CPZ: variants seen among roughly 807,000 people sequenced by gnomAD.
CPZ encodes VEZT/CPZ fusion.
In CPZ, 103 loss-of-function variants were observed where a neutral mutation model predicts 61.8. That is an observed-to-expected ratio of 1.67 (90% confidence interval 1.42 to 1.96). CPZ has a LOEUF of 1.96. Among genes scored for constraint, CPZ ranks in the 30% most tolerant of loss-of-function variants. The pLI, the probability that CPZ is intolerant of heterozygous loss-of-function variation, is 0.00. For synonymous variants in CPZ, 551 were observed against 373.7 expected (o/e 1.47, Z -5.47); for missense variants, 1,461 against 914.9 (o/e 1.60, Z -7.70).
intron 9 of CPZ, among the ~76,000 whole-genome samples, chr4:8,617,586 T>G (rs1448295457): frequency 6.6e-6 from 1 of 152,212 alleles, no homozygotes; most frequent in Non-Finnish European, 1.5e-5. Flanking sequence ...CAAGATCATT[T>G]TCATAGTTTC....
rs1432071293 is a variant in CPZ, at chr4:8,605,991, G to A, written c.712G>A (p.Glu238Lys). Residue 238 changes from glutamate (E) to lysine (K), a missense_variant and splice_region_variant, in exon 5 of 11, where the codon GAG (glutamate) becomes AAG (lysine). By Grantham distance (56) the Glu-to-Lys change is moderately conservative. Coordinates refer to ENST00000360986, the MANE Select transcript of CPZ (RefSeq NM_001014447.3). ...SSRPGQHELM[E>K]PEVKLIGNIH... ...CAAGTCTCTGTATTTGCCCCCAGTG[G>A]AGCCCGAGGTGAAGCTCATCGGCAA... 3 of 1,611,922 alleles carry A rather than the reference G, an allele frequency of 1.9e-6. No individual in the cohort carries two copies. The highest frequency in any genetic ancestry group is 2.2e-5 in the East Asian group (1 of 44,802).
Position 8,601,442 on chromosome 4 carries a change from C to G in CPZ, c.441C>G (p.His147Gln), listed in dbSNP as rs760707463. 2 of 1,549,514 alleles carry G rather than the reference C, an allele frequency of 1.3e-6. No homozygotes were observed. The highest frequency in any genetic ancestry group is 3.6e-5 in the Admixed American group (2 of 55,282). ...DMAWPYFLDC[H>Q]RYFTREDEGC... ...CCTGGCCCTACTTCCTTGACTGCCA[C>G]CGCTACTTCACGAGAGAGGACGAGG... The change falls in exon 3 of 11, where the codon CAC becomes CAG. Residue 147 changes from histidine (H) to glutamine (Q), a missense_variant. By Grantham distance (24) the His-to-Gln change is conservative. Transcript: ENST00000360986.
chr4:8,611,223 AG>A, intron 7 of CPZ: 1 of 456,232 alleles, frequency 2.2e-6, no homozygotes, highest in Non-Finnish European at 4.4e-6. Context: ...GAGCTCATGC[AG>A]GGTGAGCCCT....
chr4:8,611,248 C>A, intron 7 of CPZ: 2 of 456,270 alleles, frequency 4.4e-6, no homozygotes, highest in Non-Finnish European at 4.4e-6. Flanking sequence ...CCTGCCTGAC[C>A]CACCAGGAGC....
intron 9 of CPZ, among the ~76,000 whole-genome samples, chr4:8,615,251 G>A (rs1383132920): frequency 6.6e-6 from 1 of 152,040 alleles, no homozygotes; most frequent in Non-Finnish European, 1.5e-5. Flanking sequence ...CCCCCTCGCT[G>A]CCCCAGAGAG....
At chr4:8,606,305 C>A in intron 5 of CPZ, 120 bp downstream of exon 5, 1 of 1,010,568 alleles carries the variant, frequency 9.9e-7, no homozygotes, top group South Asian at 1.6e-5. Flanking sequence ...GAGGAGCATT[C>A]AGCAGGTGTC....
At chr4:8,613,095 C>T (rs1168991840) in intron 8 of CPZ, among the ~76,000 whole-genome samples, 1 of 152,002 alleles carries the variant, frequency 6.6e-6, no homozygotes, top group African/African-American at 2.4e-5. Flanking sequence ...CTGCAACAGA[C>T]ACCCACGAGC....
At chr4:8,605,820 C>A (rs1416912197) in intron 4 of CPZ, among the ~76,000 whole-genome samples, 169 bp from the exon 5 acceptor site, 1 of 152,210 alleles carries the variant, frequency 6.6e-6, no homozygotes, top group Non-Finnish European at 1.5e-5. Context: ...ACGAGCTTAA[C>A]AAAAGTGATG....
chr4:8,602,005 A>T (rs950233045), intron 3 of CPZ: 3 of 152,980 alleles, frequency 2.0e-5, no homozygotes, highest in African/African-American at 7.2e-5. Context: ...GATCACACAG[A>T]GGGTTTGGCT....
chr4:8,605,887 G>T, intron 4 of CPZ, 102 bp from the exon 5 acceptor site: 4 of 1,131,736 alleles, frequency 3.5e-6, no homozygotes, highest in Non-Finnish European at 3.8e-6. Context: ...AGTATGAATT[G>T]GTCCCAGCCC....
In CPZ at chr4:8,614,402, C is replaced by T. The variant is rs139712717; in HGVS notation, c.1407C>T (p.Ile469=). 611 of 1,613,880 alleles carry T rather than the reference C, an allele frequency of 3.8e-4. No individual in the cohort carries two copies. Among genetic ancestry groups the T allele is most frequent in the Non-Finnish European group, 5.0e-4 (590 of 1,179,936 alleles). ...ACCTGCACACCAACTGCTTTGAGAT[C>T]ACGGTAGAGCTGGGCTGTGTGAAGT... ...FNYLHTNCFE[I]TVELGCVKFP... Residue 469 remains isoleucine (I), a synonymous_variant, in exon 9 of 11, where the codon ATC becomes ATT. Coordinates refer to ENST00000360986, the MANE Select transcript of CPZ (RefSeq NM_001014447.3).
At chr4:8,611,003 T>C (rs1366372586) in intron 7 of CPZ, among the ~76,000 whole-genome samples, 3 of 89,010 alleles carry the variant, frequency 3.4e-5, no homozygotes, top group South Asian at 5.5e-4. Context: ...CTTTCACTCA[T>C]TCACTCACTC....
In CPZ at chr4:8,612,282, A is replaced by C. The variant is rs79266384; in HGVS notation, c.1363+120A>C. 7.8e-4 allele frequency: 668 copies of C among 855,174 alleles called. 4 individuals carry two copies. The African/African-American group carries it at 0.01, about 13-fold the overall frequency. 53.0% of individuals were successfully genotyped at this position (855,174 alleles called of 1,614,324 possible). On this transcript the variant is annotated intron_variant, in intron 8 of 10. Transcript: ENST00000360986. ...GATCCAGCTGGAGAGCCCGGAAGACAGGGCGATGCCTCACCTGGTGGAGAG... is the reference window on the plus strand; with the variant it reads ...GATCCAGCTGGAGAGCCCGGAAGACCGGGCGATGCCTCACCTGGTGGAGAG...
intron 1 of CPZ, among the ~76,000 whole-genome samples, chr4:8,595,934 C>T (rs1246216910): frequency 6.6e-6 from 1 of 152,194 alleles, no homozygotes; most frequent in Non-Finnish European, 1.5e-5. Flanking sequence ...AGCCAAGGAG[C>T]ACCTGGGGCC....
At position 8,617,069 on chromosome 4, in the gene CPZ, C is replaced by T. The variant is rs6819962; in HGVS notation, c.1504-1360C>T. ...CACTCCCCTCTTTCAGCCACCTGCA[C>T]CACTGACAGCTGGGCGTGAGCCTGG... On this transcript the variant is annotated intron_variant, in intron 9 of 10. Transcript: ENST00000360986. 9.2e-5 allele frequency among the ~76,000 whole-genome samples: 14 copies of T among 152,382 alleles called. No individual in the cohort carries two copies. The East Asian group carries it at 2.7e-3, about 29-fold the overall frequency.
intron 7 of CPZ, among the ~76,000 whole-genome samples, chr4:8,609,076 TCATA>T (rs1403113233): frequency 1.5e-4 from 7 of 45,802 alleles, no homozygotes; most frequent in African/African-American, 2.6e-4. Context: ...CACTCACCAC[TCATA>T]CATTCACCCA....
chr4:8,600,834 C>T (rs1369705339), intron 2 of CPZ: 3 of 875,548 alleles, frequency 3.4e-6, no homozygotes, highest in Admixed American at 4.5e-5. Context: ...CTTCACGGGC[C>T]CTTGTGTGGC....
At chr4:8,611,266 C>T (rs1327261341) in intron 7 of CPZ, 1 of 456,148 alleles carries the variant, frequency 2.2e-6, no homozygotes, top group African/African-American at 2.0e-5. Flanking sequence ...AGCCTCTGCC[C>T]AAGGTCAGTC....
Position 8,618,429 on chromosome 4 carries a change from G to C in CPZ, c.1504G>C (p.Val502Leu). ...KESLLNFVET[V>L]HRGIKGVVTD... ...CCTGGCCTCCCCTTGGTCTCTTCAG[G>C]TGCACCGGGGCATCAAAGGTGTGGT... The change falls in exon 10 of 11, where the codon GTG becomes CTG. Residue 502 changes from valine to leucine, a missense_variant and splice_region_variant. Transcript: ENST00000360986. The C allele has an allele frequency of 6.2e-7, 1 of 1,614,124 alleles. No individual in the cohort carries two copies. Among genetic ancestry groups the C allele is most frequent in the African/African-American group, 1.3e-5 (1 of 75,050 alleles).
Sources: gnomAD v4.1 joint callset for allele counts (sites outside exome capture counted in the v4.1 genomes callset) on GRCh38, gnomAD v4.1.1 for gene constraint, MANE v1.5 for transcripts, NCBI Gene and HGNC (gene_info 2026-07-23, HGNC 2026-07-21) for gene names.